Variants in GPSM1 observed in about 807,000 individuals in gnomAD.
GPSM1 encodes G protein signaling modulator 1.
GPSM1 carries 48 observed loss-of-function variants against 70.5 expected under a neutral mutation model. That is an observed-to-expected ratio of 0.68 (90% CI 0.54 to 0.87). The LOEUF is 0.87. Among genes scored for constraint, GPSM1 ranks in the 40% least tolerant of loss-of-function variants. The pLI is 0.00. For synonymous variants in GPSM1, 416 were observed against 430.1 expected (o/e 0.97, Z 0.41); for missense variants, 981 against 972.6 (o/e 1.01, Z -0.11).
chr9:136,344,172 A>G (rs1191203757), intron 9 of GPSM1, among the ~76,000 whole-genome samples: 10 of 73,084 alleles, frequency 1.4e-4, no homozygotes, highest in East Asian at 4.8e-4. Flanking sequence ...GATCGGGGGG[A>G]GGCGCGGACA....
chr9:136,333,863 G>A (rs559792979), intron 1 of GPSM1, among the ~76,000 whole-genome samples: 2 of 152,274 alleles, frequency 1.3e-5, no homozygotes, highest in African/African-American at 2.4e-5. Flanking sequence ...GGTCTCCCCT[G>A]GAGACTTGGA....
intron 1 of GPSM1, chr9:136,331,946 A>G (rs577675905): frequency 5.0e-6 from 2 of 398,232 alleles, no homozygotes; most frequent in South Asian, 1.3e-4. Flanking sequence ...CCCACCCCCC[A>G]GGACCCGTGG....
At chr9:136,338,035 C>A in intron 6 of GPSM1, 74 bp downstream of exon 6, 1 of 978,592 alleles carries the variant, frequency 1.0e-6, no homozygotes, top group Non-Finnish European at 1.5e-6. Context: ...GAAGTGCCCG[C>A]CCCAAGCTGG....
intron 11 of GPSM1, among the ~76,000 whole-genome samples, chr9:136,350,903 T>G (rs1832644001): frequency 6.6e-6 from 1 of 151,372 alleles, no homozygotes; most frequent in African/African-American, 2.4e-5. Context: ...TCGGGGTTGG[T>G]GGGGGGACAG....
chr9:136,335,766 G>C (rs1236256222), intron 2 of GPSM1, among the ~76,000 whole-genome samples, 200 bp from the exon 3 acceptor site: 1 of 152,160 alleles, frequency 6.6e-6, no homozygotes, highest in Non-Finnish European at 1.5e-5. Context: ...GCCCAGCAGA[G>C]CCCATACCCA....
rs1297638451 is a variant in GPSM1 at position 136,342,363 on chromosome 9, T to G, written c.1207+1370T>G. Among the ~76,000 whole-genome samples, 1 of 152,184 alleles carries G rather than the reference T, an allele frequency of 6.6e-6. No homozygotes were observed. Among genetic ancestry groups the G allele is most frequent in the African/African-American group, 2.4e-5 (1 of 41,452 alleles). ...GCTCTGGGTCCTCCCGACGTTTTCT[T>G]TCTTGGAGCCAAGGAAAAGGGGGGC... is the stretch of plus-strand genomic sequence containing the variant. On this transcript the variant is annotated intron_variant, in intron 9 of 13. Transcript: ENST00000440944. The surrounding 1 kb of genome is among the most constrained non-coding windows in gnomAD (Gnocchi z 5.5).
rs1564355228 is a variant in GPSM1 at position 136,352,144 on chromosome 9, TGCGCCGTTGCTGTTGGTG to T, written c.1455+2382_1455+2399del. On this transcript the variant is annotated intron_variant, in intron 11 of 13. Coordinates refer to ENST00000440944, the MANE Select transcript of GPSM1 (RefSeq NM_001145638.3). ...CCGTTGCTGTTGGTGACACCAATGC[TGCGCCGTTGCTGTTGGTG>T]ACACCAATGCTGCGCCGTTGCTGTT... 2.1e-5 allele frequency among the ~76,000 whole-genome samples: 3 copies of T among 141,892 alleles called. 1 individual carries two copies. Among genetic ancestry groups the T allele is most frequent in the African/African-American group, 8.0e-5 (3 of 37,534 alleles). 93.1% of individuals were successfully genotyped at this position (141,892 alleles called of 152,430 possible).
At chr9:136,356,630 G>T (rs138764100) in intron 13 of GPSM1, 80 bp downstream of exon 13, 7 of 1,048,184 alleles carry the variant, frequency 6.7e-6, no homozygotes, top group Non-Finnish European at 9.8e-6. Flanking sequence ...GTCCTGAGGG[G>T]TGAGGTGGGC....
chr9:136,355,630 G>T, intron 11 of GPSM1, 60 bp from the exon 12 acceptor site: 1 of 1,510,322 alleles, frequency 6.6e-7, no homozygotes, highest in Non-Finnish European at 9.1e-7. Context: ...AGCAGCCCCC[G>T]GTCTCGTCTG....
intron 2 of GPSM1, among the ~76,000 whole-genome samples, chr9:136,335,177 C>T (rs1832202755): frequency 1.3e-5 from 2 of 152,236 alleles, no homozygotes; most frequent in African/African-American, 2.4e-5. Flanking sequence ...TTCCCTGGCC[C>T]CAGGCCCCAG....
chr9:136,356,269 A>C, intron 12 of GPSM1, 73 bp from the exon 13 acceptor site: 5 of 1,168,122 alleles, frequency 4.3e-6, no homozygotes, highest in Non-Finnish European at 5.9e-6. Context: ...GTCAGAGCTC[A>C]CTGTGGCCGC....
At chr9:136,330,696 T>C (rs1832079319) in intron 1 of GPSM1, among the ~76,000 whole-genome samples, 2 of 152,118 alleles carry the variant, frequency 1.3e-5, no homozygotes. Flanking sequence ...GGTGACGGCC[T>C]TGGGGAGGGG....
chr9:136,339,698 C>G lies in GPSM1; in HGVS notation c.975-9C>G. 6.5e-7 allele frequency: 1 copy of G among 1,542,702 alleles called. No individual in the cohort carries two copies. The highest frequency in any genetic ancestry group is 8.8e-7 in the Non-Finnish European group (1 of 1,140,040). On this transcript the variant is annotated splice_polypyrimidine_tract_variant and intron_variant, in intron 7 of 13. Transcript: ENST00000440944. ...GGGCGGGTATGAATCTGGTCTCCCT[C>G]TCTGGCAGAGTGGGCGAGGGCCGGG...
At chr9:136,351,068 A>C (rs1554771986) in intron 11 of GPSM1, among the ~76,000 whole-genome samples, 2 of 152,150 alleles carry the variant, frequency 1.3e-5, no homozygotes, top group Non-Finnish European at 2.9e-5. Context: ...GGTCCAAACC[A>C]CTAGAAATAG....
rs376645091 is a variant in GPSM1, at chr9:136,358,166, G to A, written c.1974G>A (p.Gln658=). Residue 658 remains glutamine (Q), a synonymous_variant, in exon 14 of 14, where the codon CAG becomes CAA. Coordinates refer to ENST00000440944, the MANE Select transcript of GPSM1 (RefSeq NM_001145638.3). The part of the protein sequence containing the change: ...QRVDLAGGPE[Q]GAGGPPEPQQ... ...TGGACCTCGCCGGGGGCCCGGAGCAGGGGGCAGGCGGCCCGCCCGAGCCCC... is the reference window on the plus strand; with the variant it reads ...TGGACCTCGCCGGGGGCCCGGAGCAAGGGGCAGGCGGCCCGCCCGAGCCCC... 31 of 1,586,074 alleles carry A rather than the reference G, an allele frequency of 2.0e-5. No homozygotes were observed. Among genetic ancestry groups the A allele is most frequent in the Non-Finnish European group, 1.9e-5 (22 of 1,168,008 alleles).
At position 136,327,774 on chromosome 9, in the gene GPSM1, C is replaced by G; in HGVS notation, c.68+11C>G. Reference sequence around the variant, plus strand: ...GCGCCTCTACTCCAGGTAGGACGGGCCGGGGCCGGGGCCGGGGCCGGGGCT... The same window carrying G: ...GCGCCTCTACTCCAGGTAGGACGGGGCGGGGCCGGGGCCGGGGCCGGGGCT... On this transcript the variant is annotated intron_variant, in intron 1 of 13. Coordinates refer to ENST00000440944, the MANE Select transcript of GPSM1 (RefSeq NM_001145638.3). 2.0e-6 allele frequency: 2 copies of G among 981,086 alleles called. No homozygotes were observed. Among genetic ancestry groups the G allele is most frequent in the Non-Finnish European group, 2.6e-6 (2 of 774,348 alleles). The allele number at this position is 981,086 out of a possible 1,614,324, so 60.8% of individuals were successfully genotyped here. A position where few individuals can be genotyped will look rare whatever the true frequency, so the allele number is the denominator to read the frequency against.
chr9:136,337,142 AGACCCCC>A, intron 4 of GPSM1, 70 bp downstream of exon 4: 1 of 1,378,764 alleles, frequency 7.3e-7, no homozygotes. Context: ...AGACACTTCC[AGACCCCC>A]GACCCCAGCC....
At chr9:136,351,270 GAGGGAAGGGCACCC>G (rs1450315748) in intron 11 of GPSM1, among the ~76,000 whole-genome samples, 2 of 152,152 alleles carry the variant, frequency 1.3e-5, no homozygotes, top group African/African-American at 4.8e-5. Context: ...GAGAGGTGTG[GAGGGAAGGGCACCC>G]AGGGAGCACC....
chr9:136,327,949 C>T (rs1292104157), intron 1 of GPSM1, among the ~76,000 whole-genome samples, 186 bp downstream of exon 1: 3 of 151,878 alleles, frequency 2.0e-5, no homozygotes, highest in Admixed American at 6.5e-5. Flanking sequence ...CCCCTGAAGC[C>T]CTCTTTCCCC....
Sources: allele counts gnomAD v4.1 joint callset (sites outside exome capture counted in the v4.1 genomes callset), GRCh38; gene constraint gnomAD v4.1.1; non-coding constraint Gnocchi (gnomAD v3.1); transcripts MANE v1.5; gene names NCBI Gene and HGNC (gene_info 2026-07-23, HGNC 2026-07-21).